MTM1: variants seen among roughly 807,000 people sequenced by gnomAD.
MTM1 encodes myotubularin 1, also known as myotubularin.
In MTM1, 9 loss-of-function variants were observed where a neutral mutation model predicts 52.1. The observed-to-expected ratio is 0.17, with a 90% CI of 0.10 to 0.30. The LOEUF (loss-of-function observed/expected upper bound fraction) is 0.30, where lower values mean the gene tolerates loss of function less well. Among genes scored for constraint, MTM1 ranks in the 10% least tolerant of loss-of-function variants. The pLI is 1.00. For missense variants in MTM1, 277 were observed against 470.7 expected, an observed-to-expected ratio of 0.59 and a Z score of 3.81; for synonymous variants, 136 against 163.8, an observed-to-expected ratio of 0.83 and a Z score of 1.29.
chrX:150,633,942 C>T lies in MTM1; in HGVS notation c.445-5001C>T, dbSNP rs782688651. 3.6e-5 allele frequency among the ~76,000 whole-genome samples: 4 copies of T among 112,045 alleles called. No individual in the cohort carries two copies. In the East Asian group the frequency reaches 1.1e-3, roughly 31 times the overall value. ...CCCAGCTACTCTGGAGGCTGAGGCA[C>T]GAGAATTGCTTGAACCCAGGAGGCG... On this transcript the variant is annotated intron_variant, in intron 6 of 14. Transcript: ENST00000370396.
chrX:150,591,429 G>A (rs1011290066), intron 1 of MTM1, among the ~76,000 whole-genome samples: 4 of 112,598 alleles, frequency 3.6e-5, no homozygotes, highest in Non-Finnish European at 7.5e-5. Flanking sequence ...GAACTCTCAC[G>A]GGGGAATCCT....
the MTM1 span, among the ~76,000 whole-genome samples, chrX:150,563,201 A>G: frequency 1.0e-4 from 11 of 109,455 alleles, 1 homozygote; most frequent in South Asian, 4.1e-3. Flanking sequence ...TTAGAAAACA[A>G]CCAACCCACC....
At position 150,609,161 on chromosome X, in the gene MTM1, C is replaced by G. The variant is rs138829334; in HGVS notation, c.232-5428C>G. Among the ~76,000 whole-genome samples, 1,048 of 111,231 alleles carry G rather than the reference C, an allele frequency of 9.4e-3. 15 individuals are homozygous for G. The highest frequency in any genetic ancestry group is 0.033 in the African/African-American group (1,006 of 30,544). On this transcript the variant is annotated intron_variant, in intron 4 of 14. Transcript: ENST00000370396. Reference sequence around the variant, plus strand: ...GTTTTTAGAGTTCAGCAATGAGAAGCTTTTGAAGCTTTTCACACCACTTTC... The same window carrying G: ...GTTTTTAGAGTTCAGCAATGAGAAGGTTTTGAAGCTTTTCACACCACTTTC...
At chrX:150,633,327 C>T (rs782794106) in intron 6 of MTM1, among the ~76,000 whole-genome samples, 1 of 111,929 alleles carries the variant, frequency 8.9e-6, no homozygotes, top group African/African-American at 3.2e-5. Context: ...AATTGGTAAT[C>T]TATGTGCTAG....
chrX:150,584,321 A>G (rs2038742694), intron 1 of MTM1, among the ~76,000 whole-genome samples: 1 of 110,315 alleles, frequency 9.1e-6, no homozygotes, highest in South Asian at 3.8e-4. Context: ...TGAGAAAAGC[A>G]AGTGGCAGAA....
At chrX:150,585,081 GAGAGAA>G (rs1255843995) in intron 1 of MTM1, among the ~76,000 whole-genome samples, 5 of 101,895 alleles carry the variant, frequency 4.9e-5, no homozygotes, top group African/African-American at 2.0e-4. Flanking sequence ...GAGAGAGAGA[GAGAGAA>G]AGAGTGTGTG....
At chrX:150,585,798 C>G (rs1167842303) in intron 1 of MTM1, among the ~76,000 whole-genome samples, 2 of 112,078 alleles carry the variant, frequency 1.8e-5, no homozygotes, top group Non-Finnish European at 3.8e-5. Flanking sequence ...AACAGATAAC[C>G]TGATAGTAGT....
chrX:150,624,863 C>T (rs913873334), intron 6 of MTM1, among the ~76,000 whole-genome samples: 7 of 111,976 alleles, frequency 6.3e-5, no homozygotes, highest in African/African-American at 2.3e-4. Flanking sequence ...TTATTGTAGG[C>T]GTGAATATAG....
intron 1 of MTM1, among the ~76,000 whole-genome samples, chrX:150,589,245 C>T (rs1017996525): frequency 1.8e-5 from 2 of 110,496 alleles, no homozygotes; most frequent in East Asian, 5.7e-4. Context: ...TAGAGTTGTC[C>T]CTGCCAGTAA....
intron 13 of MTM1, 42 bp from the exon 14 acceptor site, chrX:150,663,391 T>C: frequency 8.3e-7 from 1 of 1,202,224 alleles, no homozygotes; most frequent in Non-Finnish European, 1.1e-6. Context: ...TTATGTGTGT[T>C]TTTACTTAGG....
rs782052916 is a variant in MTM1 at position 150,667,467 on chromosome X, G to A, written c.1644+3858G>A. On this transcript the variant is annotated intron_variant, in intron 14 of 14. Coordinates refer to ENST00000370396, the MANE Select transcript of MTM1 (RefSeq NM_000252.3). ...GGATCGTTATGTTCGTTGTTTGTCC[G>A]TCTCCCCCTGCTAGAAGATAAAGGC... 1.2e-4 allele frequency among the ~76,000 whole-genome samples: 13 copies of A among 111,422 alleles called. No homozygotes were observed. The South Asian group carries it at 5.0e-3, about 42-fold the overall frequency.
chrX:150,630,871 G>T (rs1450328152), intron 6 of MTM1, among the ~76,000 whole-genome samples: 1 of 111,987 alleles, frequency 8.9e-6, no homozygotes, highest in Non-Finnish European at 1.9e-5. Context: ...AACAAAACCA[G>T]CAAAGAGAAA....
At position 150,635,808 on chromosome X, in the gene MTM1, A is replaced by G. The variant is rs1259234936; in HGVS notation, c.445-3135A>G. Among the ~76,000 whole-genome samples the G allele has an allele frequency of 2.7e-5, 3 of 111,987 alleles. No individual in the cohort carries two copies. The Admixed American group carries it at 2.8e-4, about 11-fold the overall frequency. ...AATTGAGCCAAGTAGCTTATGGAAA[A>G]CTTAGTTTTTAAATAAAAACACCAC... is the stretch of plus-strand genomic sequence containing the variant. On this transcript the variant is annotated intron_variant, in intron 6 of 14. Transcript: ENST00000370396.
intron 4 of MTM1, among the ~76,000 whole-genome samples, chrX:150,599,626 T>A (rs1194886643): frequency 1.8e-5 from 2 of 112,227 alleles, no homozygotes; most frequent in East Asian, 5.6e-4. Flanking sequence ...TTTTTTCTTT[T>A]ATGGTGTTCA....
intron 14 of MTM1, among the ~76,000 whole-genome samples, chrX:150,671,181 C>T (rs782363603): frequency 1.4e-4 from 16 of 111,030 alleles, no homozygotes; most frequent in Middle Eastern, 4.6e-3. Flanking sequence ...GATAGTGACA[C>T]GTGTGAGGAA....
At chrX:150,596,230 C>T (rs1281393737) in intron 2 of MTM1, among the ~76,000 whole-genome samples, 1 of 111,920 alleles carries the variant, frequency 8.9e-6, no homozygotes, top group Non-Finnish European at 1.9e-5. Context: ...AAGCTGTTAA[C>T]TTTAAAGTGC....
At chrX:150,670,976 TA>T (rs2040386526) in intron 14 of MTM1, among the ~76,000 whole-genome samples, 1 of 112,020 alleles carries the variant, frequency 8.9e-6, no homozygotes, top group Admixed American at 9.4e-5. Context: ...ACCAGTGATG[TA>T]AACTTTGATA....
intron 1 of MTM1, among the ~76,000 whole-genome samples, chrX:150,589,491 G>T (rs2038846780): frequency 9.0e-6 from 1 of 111,597 alleles, no homozygotes; most frequent in Non-Finnish European, 1.9e-5. Flanking sequence ...AAATAAAAAG[G>T]ATAAAAAAAC....
intron 10 of MTM1, among the ~76,000 whole-genome samples, chrX:150,656,630 C>A (rs1557414426): frequency 1.8e-5 from 2 of 111,981 alleles, no homozygotes; most frequent in African/African-American, 6.5e-5. Flanking sequence ...TTTTTTAACA[C>A]CTGGGCACAT....
Sources: allele counts gnomAD v4.1 joint callset (sites outside exome capture counted in the v4.1 genomes callset), GRCh38; gene constraint gnomAD v4.1.1; transcripts MANE v1.5; gene names NCBI Gene and HGNC (gene_info 2026-07-23, HGNC 2026-07-21).